Variants in CAMKMT observed in about 807,000 individuals in gnomAD.
CAMKMT encodes the protein CaM KMT.
Under a neutral mutation model 48.0 loss-of-function variants are expected in CAMKMT, and 53 were observed. The observed-to-expected ratio is 1.10, with a 90% CI of 0.89 to 1.39. The LOEUF (loss-of-function observed/expected upper bound fraction) is 1.39, where lower values mean the gene tolerates loss of function less well. CAMKMT is among the 40% of genes most tolerant of loss of function. The pLI, the probability that CAMKMT is intolerant of heterozygous loss-of-function variation, is 0.00. For missense variants in CAMKMT, 428 were observed against 402.7 expected, an observed-to-expected ratio of 1.06 and a Z score of -0.54; for synonymous variants, 165 against 152.3, an observed-to-expected ratio of 1.08 and a Z score of -0.61.
intron 7 of CAMKMT, among the ~76,000 whole-genome samples, chr2:44,741,489 A>C (rs1295102058): frequency 6.6e-6 from 1 of 152,234 alleles, no homozygotes; most frequent in Non-Finnish European, 1.5e-5. Context: ...CATCTTACAG[A>C]TCAGAAAACA....
chr2:44,766,840 G>T (rs1219339502), intron 10 of CAMKMT, among the ~76,000 whole-genome samples: 1 of 152,192 alleles, frequency 6.6e-6, no homozygotes, highest in Non-Finnish European at 1.5e-5. Context: ...GTAAGGGGAG[G>T]TGGCATAGAA....
chr2:44,458,199 A>G (rs1467230301), intron 3 of CAMKMT, among the ~76,000 whole-genome samples: 1 of 151,952 alleles, frequency 6.6e-6, no homozygotes, highest in Non-Finnish European at 1.5e-5. Context: ...GGCATGTGCC[A>G]TCATGCCCGG....
At chr2:44,613,533 A>G (rs1373184321) in intron 3 of CAMKMT, among the ~76,000 whole-genome samples, 1 of 152,222 alleles carries the variant, frequency 6.6e-6, no homozygotes, top group Non-Finnish European at 1.5e-5. Context: ...GGCTATATGC[A>G]AAGCACTGTG....
chr2:44,641,026 G>A (rs925065802), intron 3 of CAMKMT, among the ~76,000 whole-genome samples: 1 of 152,016 alleles, frequency 6.6e-6, no homozygotes, highest in Non-Finnish European at 1.5e-5. Flanking sequence ...TTACAGACTT[G>A]GTGAACATAT....
At chr2:44,466,727 C>G (rs1225070890) in intron 3 of CAMKMT, among the ~76,000 whole-genome samples, 1 of 151,942 alleles carries the variant, frequency 6.6e-6, no homozygotes, top group Non-Finnish European at 1.5e-5. Context: ...ACTAAGATGG[C>G]TTTTAGAAAA....
intron 7 of CAMKMT, among the ~76,000 whole-genome samples, chr2:44,718,508 A>G (rs1269146429): frequency 4.6e-5 from 7 of 152,250 alleles, no homozygotes; most frequent in Admixed American, 3.3e-4. Context: ...TGAACAAAGG[A>G]AACCATGCTA....
chr2:44,418,933 T>C (rs1683748610), intron 3 of CAMKMT, among the ~76,000 whole-genome samples: 1 of 152,194 alleles, frequency 6.6e-6, no homozygotes, highest in African/African-American at 2.4e-5. Context: ...AGTTTTGTAT[T>C]TTTCATTTTA....
chr2:44,490,034 G>A (rs1207712786), intron 3 of CAMKMT, among the ~76,000 whole-genome samples: 1 of 151,690 alleles, frequency 6.6e-6, no homozygotes, highest in Non-Finnish European at 1.5e-5. Context: ...AAATATATGG[G>A]CAATGTTTCA....
At chr2:44,445,624 C>T (rs1339374079) in intron 3 of CAMKMT, among the ~76,000 whole-genome samples, 1 of 140,530 alleles carries the variant, frequency 7.1e-6, no homozygotes, top group Admixed American at 7.2e-5. Context: ...AGGGGAAGTC[C>T]AACATGTCGG....
chr2:44,647,119 A>G (rs1051042690), intron 3 of CAMKMT, among the ~76,000 whole-genome samples: 1 of 152,136 alleles, frequency 6.6e-6, no homozygotes, highest in African/African-American at 2.4e-5. Context: ...TAACATGGTG[A>G]AACTATGTTA....
At chr2:44,633,665 T>C (rs1672966504) in intron 3 of CAMKMT, among the ~76,000 whole-genome samples, 2 of 152,188 alleles carry the variant, frequency 1.3e-5, no homozygotes, top group Non-Finnish European at 2.9e-5. Context: ...CTTTAATCTT[T>C]GAATATGTTT....
intron 3 of CAMKMT, among the ~76,000 whole-genome samples, chr2:44,563,937 C>T (rs1293946167): frequency 1.3e-5 from 2 of 152,142 alleles, no homozygotes; most frequent in Non-Finnish European, 2.9e-5. Flanking sequence ...AATGAACATA[C>T]ATGTGCATAT....
chr2:44,363,007 T>C (rs536597068), intron 1 of CAMKMT, among the ~76,000 whole-genome samples: 2 of 152,368 alleles, frequency 1.3e-5, no homozygotes, highest in Non-Finnish European at 2.9e-5. Flanking sequence ...CAGTTGTGTT[T>C]GGAAAAGAGT....
chr2:44,392,413 T>C (rs887689228), intron 3 of CAMKMT, among the ~76,000 whole-genome samples: 2 of 152,152 alleles, frequency 1.3e-5, no homozygotes, highest in Admixed American at 1.3e-4. Context: ...AAAGTAAATA[T>C]TGATTATGAC....
Position 44,766,577 on chromosome 2 carries a change from G to A in CAMKMT, c.894+16G>A. ...CCACTCCAAGGTTAGTTTTCTGCTT[G>A]TGTTAGATAACACTTTAATCCGCAT... On this transcript the variant is annotated intron_variant, in intron 10 of 10. Transcript: ENST00000378494. 1 of 1,612,940 alleles carries A rather than the reference G, an allele frequency of 6.2e-7. No homozygotes were observed. Among genetic ancestry groups the A allele is most frequent in the Non-Finnish European group, 8.5e-7 (1 of 1,179,818 alleles).
chr2:44,658,513 C>T (rs11899369), intron 3 of CAMKMT, among the ~76,000 whole-genome samples: 1,975 of 152,226 alleles, frequency 0.013, 46 homozygotes, highest in African/African-American at 0.045. Context: ...CGTGACGTCG[C>T]GTGAAGACCT....
intron 1 of CAMKMT, among the ~76,000 whole-genome samples, chr2:44,368,338 A>G (rs745669818): frequency 2.0e-5 from 3 of 152,210 alleles, no homozygotes; most frequent in African/African-American, 4.8e-5. Flanking sequence ...TAAACTACCA[A>G]TATTATTGAT....
At position 44,362,624 on chromosome 2, in the gene CAMKMT, G is replaced by A. The variant is rs1037176599; in HGVS notation, c.138+479G>A. Among the ~76,000 whole-genome samples, 4 of 152,174 alleles carry A rather than the reference G, an allele frequency of 2.6e-5. No individual in the cohort carries two copies. In the East Asian group the frequency reaches 7.7e-4, roughly 29 times the overall value. On this transcript the variant is annotated intron_variant, in intron 1 of 10. Coordinates refer to ENST00000378494, the MANE Select transcript of CAMKMT (RefSeq NM_024766.5). Reference sequence around the variant, plus strand: ...ATGCCGGGACTGAGACACGGCATGCGTTCCCTCGGCATCTTCCGTACAGCG... The same window carrying A: ...ATGCCGGGACTGAGACACGGCATGCATTCCCTCGGCATCTTCCGTACAGCG...
chr2:44,702,467 G>A (rs1677309406), intron 3 of CAMKMT, among the ~76,000 whole-genome samples: 1 of 152,076 alleles, frequency 6.6e-6, no homozygotes, highest in Admixed American at 6.6e-5. Context: ...ACATAGGCAT[G>A]TATTTTACTC....
Sources: gnomAD v4.1 joint callset for allele counts (sites outside exome capture counted in the v4.1 genomes callset) on GRCh38, gnomAD v4.1.1 for gene constraint, MANE v1.5 for transcripts, NCBI Gene and HGNC (gene_info 2026-07-23, HGNC 2026-07-21) for gene names.